Variants in SMCO2 observed in about 807,000 individuals in gnomAD.
SMCO2 encodes the protein single-pass membrane and coiled-coil domain-containing protein 2.
Under a neutral mutation model 29.5 loss-of-function variants are expected in SMCO2, and 25 were observed. The ratio of observed to expected loss-of-function variants is 0.85; its 90% CI spans 0.62 to 1.18. SMCO2 has a LOEUF of 1.18. SMCO2 is among the 50% of genes most tolerant of loss of function. The pLI is 0.00. For synonymous variants in SMCO2, 117 were observed against 123.3 expected (o/e 0.95, Z 0.34); for missense variants, 348 against 344.5 (o/e 1.01, Z -0.08).
the SMCO2 span, among the ~76,000 whole-genome samples, chr12:27,455,005 T>C: frequency 6.6e-6 from 1 of 152,240 alleles, no homozygotes; most frequent in African/African-American, 2.4e-5. Context: ...ATTCCTATCG[T>C]TGAACTTTTA....
At chr12:27,448,978 G>T in the SMCO2 span, among the ~76,000 whole-genome samples, 2 of 152,190 alleles carry the variant, frequency 1.3e-5, no homozygotes, top group Non-Finnish European at 2.9e-5. Context: ...GAAGGCAAGC[G>T]GTGGGAAACT....
At chr12:27,437,279 A>G in the SMCO2 span, among the ~76,000 whole-genome samples, 1 of 152,110 alleles carries the variant, frequency 6.6e-6, no homozygotes, top group Admixed American at 6.5e-5. Flanking sequence ...TCAAAAAACA[A>G]AAACAAAACA....
upstream of SMCO2, among the ~76,000 whole-genome samples, chr12:27,465,030 A>G (rs1949487973): frequency 1.7e-5 from 2 of 116,838 alleles, no homozygotes; most frequent in Non-Finnish European, 3.6e-5. Flanking sequence ...CCCTGTCTCA[A>G]AAAAAAAAAA....
At chr12:27,440,574 A>C in the SMCO2 span, among the ~76,000 whole-genome samples, 2 of 152,118 alleles carry the variant, frequency 1.3e-5, no homozygotes, top group South Asian at 4.1e-4. Context: ...AGGCAATATT[A>C]AAATAAATTG....
intron 4 of SMCO2, among the ~76,000 whole-genome samples, chr12:27,475,262 C>T (rs1167144173): frequency 6.6e-6 from 1 of 152,050 alleles, no homozygotes; most frequent in East Asian, 1.9e-4. Context: ...CTATTGTATA[C>T]CTCTCCTCCC....
intron 7 of SMCO2, among the ~76,000 whole-genome samples, chr12:27,501,596 A>C (rs2293043): frequency 0.094 from 14,115 of 150,082 alleles, 1,362 homozygotes; most frequent in East Asian, 0.33. Flanking sequence ...GTTTGCTCAA[A>C]AAGAGACATC....
chr12:27,490,422 A>G (rs1030209365), intron 5 of SMCO2, among the ~76,000 whole-genome samples: 3 of 152,210 alleles, frequency 2.0e-5, no homozygotes, highest in South Asian at 2.1e-4. Flanking sequence ...GAAATATTCT[A>G]TATCTTCTTG....
the SMCO2 span, among the ~76,000 whole-genome samples, chr12:27,442,851 A>G: frequency 6.6e-6 from 1 of 152,146 alleles, no homozygotes; most frequent in African/African-American, 2.4e-5. Flanking sequence ...TGAACTCTTG[A>G]GCTTAAGTGA....
intron 2 of SMCO2, among the ~76,000 whole-genome samples, chr12:27,471,979 G>A (rs1032566834): frequency 1.3e-4 from 20 of 152,176 alleles, no homozygotes; most frequent in African/African-American, 4.3e-4. Context: ...ACATATAGAT[G>A]TGTAAGGATA....
chr12:27,478,775 G>C (rs1328956927), intron 4 of SMCO2, among the ~76,000 whole-genome samples: 1 of 139,836 alleles, frequency 7.2e-6, no homozygotes, highest in African/African-American at 3.0e-5. Flanking sequence ...GCAAGTGTTG[G>C]TACCCTGAAG....
At chr12:27,469,009 C>G (rs10506020) in intron 1 of SMCO2, among the ~76,000 whole-genome samples, 3 of 151,956 alleles carry the variant, frequency 2.0e-5, no homozygotes, top group Non-Finnish European at 4.4e-5. Flanking sequence ...AATTGACAGA[C>G]GATGTTTTCT....
rs567345864 is a variant in SMCO2 at position 27,468,270 on chromosome 12, G to A, written c.-11+1295G>A. Among the ~76,000 whole-genome samples the A allele has an allele frequency of 1.5e-4, 23 of 152,336 alleles. 1 individual carries two copies. The South Asian group carries it at 2.9e-3, about 19-fold the overall frequency. On this transcript the variant is annotated intron_variant, in intron 1 of 7. Coordinates refer to ENST00000298876, the Ensembl canonical transcript of SMCO2. Reference sequence around the variant, plus strand: ...CATCATAGAAGAAGGTGATAGTCTAGAACAGGGGTTGGCATGCTTCTTCTG... The same window carrying A: ...CATCATAGAAGAAGGTGATAGTCTAAAACAGGGGTTGGCATGCTTCTTCTG...
the SMCO2 span, among the ~76,000 whole-genome samples, chr12:27,451,750 A>T: frequency 6.6e-6 from 1 of 152,210 alleles, no homozygotes; most frequent in African/African-American, 2.4e-5. Context: ...AACAAACTGT[A>T]CGTAGTAGGT....
intron 1 of SMCO2, among the ~76,000 whole-genome samples, chr12:27,469,507 G>A (rs1258260418): frequency 1.3e-5 from 2 of 152,042 alleles, no homozygotes; most frequent in African/African-American, 2.4e-5. Context: ...CCTGTTGCTA[G>A]TCCCTGCCAT....
chr12:27,448,368 G>T, the SMCO2 span, among the ~76,000 whole-genome samples: 1 of 152,146 alleles, frequency 6.6e-6, no homozygotes, highest in East Asian at 1.9e-4. Context: ...TCTCCCAAGC[G>T]GCAAGTCTTT....
exon 4 of SMCO2, chr12:27,474,878 A>C (rs1409252677): frequency 6.4e-7 from 1 of 1,551,328 alleles, no homozygotes; most frequent in Non-Finnish European, 8.7e-7. Context: ...AAGCGTCTAC[A>C]TCTCTGCAGT....
intron 4 of SMCO2, among the ~76,000 whole-genome samples, chr12:27,480,891 G>A (rs1949636923): frequency 1.3e-5 from 2 of 152,142 alleles, no homozygotes; most frequent in Admixed American, 6.5e-5. Flanking sequence ...CCTGGTCTCA[G>A]GTATTTCTTT....
intron 4 of SMCO2, among the ~76,000 whole-genome samples, chr12:27,480,809 C>T (rs1434164860): frequency 6.6e-6 from 1 of 152,164 alleles, no homozygotes. Flanking sequence ...AGGAGCCAAG[C>T]AGATATTGGT....
intron 4 of SMCO2, among the ~76,000 whole-genome samples, chr12:27,476,762 T>C (rs1202501232): frequency 6.6e-6 from 1 of 152,064 alleles, no homozygotes; most frequent in African/African-American, 2.4e-5. Flanking sequence ...AGTGAGTTTC[T>C]TTTAGGCAGC....
Sources: allele counts gnomAD v4.1 joint callset (sites outside exome capture counted in the v4.1 genomes callset), GRCh38; gene constraint gnomAD v4.1.1; transcripts MANE v1.5; gene names NCBI Gene and HGNC (gene_info 2026-07-23, HGNC 2026-07-21).